The following CELF2 variants were observed in gnomAD, a reference collection of about 807,000 sequenced individuals.
CELF2 encodes the protein CUGBP Elav-like family member 2, also known as CUG triplet repeat RNA-binding protein 2.
A neutral mutation model predicts 62.6 loss-of-function variants in CELF2; 8 were observed. That is an observed-to-expected ratio of 0.13 (90% CI 0.07 to 0.23). CELF2 has a LOEUF of 0.23. CELF2 is among the 10% of genes least tolerant of loss of function. CELF2 has a pLI of 1.00. For synonymous variants in CELF2, 258 were observed against 250.0 expected, an observed-to-expected ratio of 1.03 and a Z score of -0.30; for missense variants, 333 against 671.0, an observed-to-expected ratio of 0.50 and a Z score of 5.56.
the CELF2 span, among the ~76,000 whole-genome samples, chr10:10,579,829 TG>T: frequency 6.6e-6 from 1 of 151,710 alleles, no homozygotes; most frequent in Non-Finnish European, 1.5e-5. Context: ...CAGTAGGAGC[TG>T]CAGAGTAAAA....
At chr10:10,709,546 C>T in the CELF2 span, among the ~76,000 whole-genome samples, 3 of 152,042 alleles carry the variant, frequency 2.0e-5, no homozygotes, top group Admixed American at 6.6e-5. Flanking sequence ...GTAAACCAGC[C>T]AGCAATAATG....
At chr10:11,169,827 G>T (rs574327531) in intron 2 of CELF2, among the ~76,000 whole-genome samples, 8 of 152,214 alleles carry the variant, frequency 5.3e-5, no homozygotes, top group Non-Finnish European at 1.0e-4. Context: ...ATTGGGCTCA[G>T]TGAAGACCAG....
chr10:10,989,829 A>T (rs1564321292), intron 2 of CELF2, among the ~76,000 whole-genome samples: 1 of 152,012 alleles, frequency 6.6e-6, no homozygotes, highest in African/African-American at 2.4e-5. Flanking sequence ...AAAGCACATA[A>T]ACTGACCATA....
chr10:10,989,495 G>A (rs901564796), intron 2 of CELF2, among the ~76,000 whole-genome samples: 23 of 152,070 alleles, frequency 1.5e-4, no homozygotes, highest in African/African-American at 4.6e-4. Context: ...AACTTCCCAC[G>A]TGGAAAAAAG....
At chr10:10,530,146 G>A in the CELF2 span, among the ~76,000 whole-genome samples, 2 of 152,196 alleles carry the variant, frequency 1.3e-5, no homozygotes, top group Admixed American at 6.5e-5. Flanking sequence ...GTGCAAAGCA[G>A]AAGGAAGGTT....
intron 1 of CELF2, among the ~76,000 whole-genome samples, chr10:11,092,805 A>C (rs2048687846): frequency 6.6e-6 from 1 of 152,240 alleles, no homozygotes; most frequent in Non-Finnish European, 1.5e-5. Context: ...AAGATGCCAC[A>C]GTTTGGGATA....
rs184343342 is a variant in CELF2, at chr10:11,027,146, T to G, written c.74+8983T>G. Among the ~76,000 whole-genome samples, 631 of 152,308 alleles carry G rather than the reference T, an allele frequency of 4.1e-3. 10 individuals carry two copies. The highest frequency in any genetic ancestry group is 1.4e-3 in the Non-Finnish European group (95 of 68,032). ...TTTTCTTGGTGTCAGGACTGAGAGA[T>G]AACACAGGAATCCTTTGAGAAGCCT... On this transcript the variant is annotated intron_variant, in intron 1 of 12. Transcript: ENST00000633077.
At chr10:10,857,960 G>A (rs2059843344) in intron 1 of CELF2, among the ~76,000 whole-genome samples, 1 of 151,596 alleles carries the variant, frequency 6.6e-6, no homozygotes, top group African/African-American at 2.4e-5. Context: ...GGGCTTAACA[G>A]CAGTTTAGAA....
chr10:10,734,204 A>G, the CELF2 span, among the ~76,000 whole-genome samples: 1 of 152,216 alleles, frequency 6.6e-6, no homozygotes. Flanking sequence ...TTGACCAGAA[A>G]CTGACAGTTA....
chr10:10,927,346 T>TAAAAAAAAAAAAAAAAAAAA (rs34283995), intron 2 of CELF2: 9 of 85,838 alleles, frequency 1.0e-4, no homozygotes, highest in African/African-American at 2.3e-4. Flanking sequence ...CTAGTGACAT[T>TAAAAAAAAAAAAAAAAAAAA]AAAAAAAAAA....
At chr10:11,215,609 TG>T (rs917401365) in intron 2 of CELF2, among the ~76,000 whole-genome samples, 1 of 150,912 alleles carries the variant, frequency 6.6e-6, no homozygotes, top group African/African-American at 2.4e-5. Flanking sequence ...TTTTTTTAAC[TG>T]TGGTTATTAA....
At chr10:11,284,463 G>A (rs2090415606) in intron 8 of CELF2, among the ~76,000 whole-genome samples, 3 of 150,154 alleles carry the variant, frequency 2.0e-5, no homozygotes, top group Admixed American at 6.6e-5. Context: ...GATGAGGGAT[G>A]AGTGTGTGGT....
the CELF2 span, among the ~76,000 whole-genome samples, chr10:10,694,762 T>C: frequency 2.6e-5 from 4 of 151,900 alleles, no homozygotes; most frequent in African/African-American, 7.3e-5. Context: ...TTTACCATTA[T>C]GTAGTGGCCT....
the CELF2 span, among the ~76,000 whole-genome samples, chr10:10,765,113 T>A: frequency 8.7e-4 from 133 of 152,116 alleles, 2 homozygotes; most frequent in South Asian, 0.014. Flanking sequence ...TGTCCAAGGA[T>A]CCATACAAAT....
rs1478877622 is a variant in CELF2, at chr10:11,159,029, T to C, written c.75-6457T>C. ...GCTATTTAATGACAATTTGACCATTTAGAGAAGGGCTTTGACTTTGTAATG... is the reference window on the plus strand; with the variant it reads ...GCTATTTAATGACAATTTGACCATTCAGAGAAGGGCTTTGACTTTGTAATG... On this transcript the variant is annotated intron_variant, in intron 1 of 12. Transcript: ENST00000633077. This position sits in a 1 kb window ranked among gnomAD's most constrained non-coding sequence, Gnocchi z 5.0. 6.6e-6 allele frequency among the ~76,000 whole-genome samples: 1 copy of C among 152,250 alleles called. No individual in the cohort carries two copies. Among genetic ancestry groups the C allele is most frequent in the Non-Finnish European group, 1.5e-5 (1 of 68,038 alleles).
intron 1 of CELF2, among the ~76,000 whole-genome samples, chr10:10,836,889 C>A (rs1043031178): frequency 6.6e-6 from 1 of 152,198 alleles, no homozygotes; most frequent in South Asian, 2.1e-4. Flanking sequence ...CCTGCCTTGT[C>A]CTCTCAAAGT....
Position 11,119,800 on chromosome 10 carries a change from G to A in CELF2, c.75-45686G>A, listed in dbSNP as rs562519098. Among the ~76,000 whole-genome samples the A allele has an allele frequency of 2.3e-3, 350 of 151,078 alleles. 5 individuals carry two copies. The highest frequency in any genetic ancestry group is 8.0e-3 in the African/African-American group (328 of 40,926). Reference sequence around the variant, plus strand: ...AGTGGAATACCACAGTGATCAAGAGGATGCATATATCTGGATTCAAATCCT... The same window carrying A: ...AGTGGAATACCACAGTGATCAAGAGAATGCATATATCTGGATTCAAATCCT... On this transcript the variant is annotated intron_variant, in intron 1 of 12. Transcript: ENST00000633077.
chr10:10,493,618 G>A, the CELF2 span, among the ~76,000 whole-genome samples: 95 of 150,310 alleles, frequency 6.3e-4, 1 homozygote, highest in East Asian at 0.015. Flanking sequence ...TGCAGCCTCC[G>A]CCTCCCAGAT....
At chr10:10,981,903 C>T (rs936436660) in intron 2 of CELF2, among the ~76,000 whole-genome samples, 1 of 151,938 alleles carries the variant, frequency 6.6e-6, no homozygotes, top group Non-Finnish European at 1.5e-5. Context: ...AATTTCCAAG[C>T]CTCCACTTGT....
Sources: gnomAD v4.1 joint callset for allele counts (sites outside exome capture counted in the v4.1 genomes callset) on GRCh38, gnomAD v4.1.1 for gene constraint, Gnocchi (gnomAD v3.1) non-coding constraint, MANE v1.5 for transcripts, NCBI Gene and HGNC (gene_info 2026-07-23, HGNC 2026-07-21) for gene names.